The following SMAD2 variants were observed in gnomAD, a reference collection of about 807,000 sequenced individuals.
SMAD2 encodes the protein MAD homolog 2.
In SMAD2, 8 loss-of-function variants were observed where a neutral mutation model predicts 64.4. That is an observed-to-expected ratio of 0.12 (90% CI 0.07 to 0.22). SMAD2 has a LOEUF of 0.22. Ranked by LOEUF, SMAD2 falls within the 10% of genes least tolerant of loss-of-function variation. The pLI is 1.00. For synonymous variants in SMAD2, 203 were observed against 195.8 expected (o/e 1.04, Z -0.31); for missense variants, 289 against 561.2 (o/e 0.51, Z 4.90).
chr18:47,869,501 A>T, intron 3 of SMAD2, 65 bp from the exon 4 acceptor site: 2 of 1,081,426 alleles, frequency 1.8e-6, no homozygotes, highest in Non-Finnish European at 2.8e-6. Flanking sequence ...AAGTGCAGTC[A>T]AATGGGCTAA....
chr18:47,875,545 T>G (rs1248275300), intron 2 of SMAD2, among the ~76,000 whole-genome samples: 1 of 152,118 alleles, frequency 6.6e-6, no homozygotes, highest in African/African-American at 2.4e-5. Context: ...TAAAAAATAT[T>G]AAAAGAAACA....
chr18:47,903,767 T>C (rs2033783582), intron 1 of SMAD2, among the ~76,000 whole-genome samples: 1 of 150,358 alleles, frequency 6.7e-6, no homozygotes, highest in South Asian at 2.1e-4. Context: ...AACTATAGTA[T>C]TAGAAATTAA....
intron 1 of SMAD2, among the ~76,000 whole-genome samples, chr18:47,913,188 A>G (rs988692219): frequency 1.3e-5 from 2 of 152,186 alleles, no homozygotes; most frequent in African/African-American, 4.8e-5. Context: ...CCCAAAGCAC[A>G]GGGATTACAG....
Position 47,828,062 on chromosome 18 carries a change from G to A in SMAD2, c.*13765C>T, listed in dbSNP as rs1598725615. ...CGCCTCTGCCCCGCCGCCCCGTCTG[G>A]GATGTGAGGAGTGTCTCTGCCCGAC... On this transcript the variant is annotated 3_prime_UTR_variant, in exon 11 of 11. Coordinates refer to ENST00000262160, the MANE Select transcript of SMAD2 (RefSeq NM_005901.6). The A allele has an allele frequency of 5.9e-6, 1 of 170,300 alleles. No homozygotes were observed. The allele number at this position is 170,300 out of a possible 1,614,324, so 10.5% of individuals were successfully genotyped here. A position where few individuals can be genotyped will look rare whatever the true frequency, so the allele number is the denominator to read the frequency against.
intron 2 of SMAD2, among the ~76,000 whole-genome samples, chr18:47,894,396 C>G (rs1012765432): frequency 6.6e-6 from 1 of 152,196 alleles, no homozygotes; most frequent in African/African-American, 2.4e-5. Context: ...CAACCTCACC[C>G]GTCACCCTCA....
chr18:47,895,387 ATTCT>A (rs1376171617), intron 2 of SMAD2: 1 of 152,246 alleles, frequency 6.6e-6, no homozygotes, highest in Non-Finnish European at 1.5e-5. Context: ...TTAATTCTTC[ATTCT>A]ATCATATCAC....
chr18:47,841,932 A>G lies in SMAD2; in HGVS notation c.1299T>C (p.Ser433=), dbSNP rs79888759. The change falls in exon 11 of 11, where the codon AGT becomes AGC. Residue 433 remains serine, a synonymous_variant. Transcript: ENST00000262160. ...GATGAAGTTCAATCCAGCAAGGAGTACTTGTTACCGTCTGCCTTCTGTTTA... is the reference window on the plus strand; with the variant it reads ...GATGAAGTTCAATCCAGCAAGGAGTGCTTGTTACCGTCTGCCTTCTGTTTA... ...GAEYRRQTVT[S]TPCWIELHLN... The G allele has an allele frequency of 6.2e-7, 1 of 1,614,160 alleles. No homozygotes were observed. Among genetic ancestry groups the G allele is most frequent in the Non-Finnish European group, 8.5e-7 (1 of 1,179,990 alleles).
rs1353938625 is a variant in SMAD2 at position 47,813,924 on chromosome 18, G to A, written c.*27903C>T. ...AATTATGATGAATGCTCTCTTACCAGTATAAACAAATTACAAAGGGAGTGA... is the reference window on the plus strand; with the variant it reads ...AATTATGATGAATGCTCTCTTACCAATATAAACAAATTACAAAGGGAGTGA... On this transcript the variant is annotated 3_prime_UTR_variant, in exon 11 of 11. Coordinates refer to ENST00000262160, the MANE Select transcript of SMAD2 (RefSeq NM_005901.6). The A allele has an allele frequency of 2.0e-5, 3 of 151,958 alleles. No homozygotes were observed. Among genetic ancestry groups the A allele is most frequent in the African/African-American group, 7.3e-5 (3 of 41,342 alleles). The allele number at this position is 151,958 out of a possible 1,614,324, so 9.4% of individuals were successfully genotyped here. A position where few individuals can be genotyped will look rare whatever the true frequency, so the allele number is the denominator to read the frequency against.
At chr18:47,874,172 A>AT (rs1288301263) in intron 2 of SMAD2, among the ~76,000 whole-genome samples, 1 of 152,186 alleles carries the variant, frequency 6.6e-6, no homozygotes, top group Admixed American at 6.5e-5. Flanking sequence ...CAGCAAAAAT[A>AT]TTTTTGTAGC....
chr18:47,835,483 G>T lies in SMAD2; in HGVS notation c.*6344C>A. On this transcript the variant is annotated 3_prime_UTR_variant, in exon 11 of 11. Transcript: ENST00000262160. ...TCCAAGATTGGGAATAGTAAGAGTG[G>T]CAAACAAATGTTTTCTTAGGGACTT... The T allele has an allele frequency of 5.0e-6, 1 of 198,284 alleles. No individual in the cohort carries two copies. The highest frequency in any genetic ancestry group is 2.3e-5 in the African/African-American group (1 of 43,404). 12.3% of individuals were successfully genotyped at this position (198,284 alleles called of 1,614,324 possible).
intron 1 of SMAD2, among the ~76,000 whole-genome samples, chr18:47,909,845 C>T (rs1214060725): frequency 2.0e-5 from 3 of 152,118 alleles, no homozygotes; most frequent in Admixed American, 6.6e-5. Context: ...GATTCCAACA[C>T]CAAATATGTC....
intron 6 of SMAD2, among the ~76,000 whole-genome samples, chr18:47,858,008 G>T (rs966912816): frequency 1.6e-4 from 25 of 152,260 alleles, no homozygotes; most frequent in African/African-American, 5.5e-4. Flanking sequence ...AATCCTAAGG[G>T]CAGGGAAAGG....
intron 10 of SMAD2, 41 bp from the exon 11 acceptor site, chr18:47,841,991 T>C: frequency 6.2e-7 from 1 of 1,612,270 alleles, no homozygotes; most frequent in Non-Finnish European, 8.5e-7. Context: ...GAAATTCAAG[T>C]CCACAGGCAG....
At chr18:47,895,494 C>T (rs1306047006) in intron 2 of SMAD2, 4 of 152,206 alleles carry the variant, frequency 2.6e-5, no homozygotes, top group Non-Finnish European at 5.9e-5. Flanking sequence ...CTTAGGAAGG[C>T]AGGAGTTTTG....
chr18:47,826,772 T>C lies in SMAD2; in HGVS notation c.*15055A>G, dbSNP rs1407675089. 6.6e-6 allele frequency: 1 copy of C among 152,252 alleles called. No individual in the cohort carries two copies. The highest frequency in any genetic ancestry group is 1.5e-5 in the Non-Finnish European group (1 of 68,036). The allele number at this position is 152,252 out of a possible 1,614,324, so 9.4% of individuals were successfully genotyped here. ...AGTTTAACATCACATTTACAAACTT[T>C]CTTAGAGAAAGATTTGTTATTAGCA... is the stretch of plus-strand genomic sequence containing the variant. On this transcript the variant is annotated 3_prime_UTR_variant, in exon 11 of 11. Transcript: ENST00000262160.
Position 47,842,024 on chromosome 18 carries a change from C to T in SMAD2, c.1281-74G>A, listed in dbSNP as rs1293011749. 6 of 1,494,206 alleles carry T rather than the reference C, an allele frequency of 4.0e-6. No homozygotes were observed. In the East Asian group the frequency reaches 1.1e-4, roughly 28 times the overall value. The allele number at this position is 1,494,206 out of a possible 1,614,324, so 92.6% of individuals were successfully genotyped here. A position where few individuals can be genotyped will look rare whatever the true frequency, so the allele number is the denominator to read the frequency against. On this transcript the variant is annotated intron_variant, in intron 10 of 10. Transcript: ENST00000262160. ...CAGGGAAAATGGCTATGTTTAGGTA[C>T]ACTGCATTAAAAATTTACAGAAATT... is the stretch of plus-strand genomic sequence containing the variant.
chr18:47,839,025 C>CA lies in SMAD2; in HGVS notation c.*2801dup, dbSNP rs5824709. 3.9e-4 allele frequency: 88 copies of CA among 227,644 alleles called. No individual in the cohort carries two copies. The highest frequency in any genetic ancestry group is 1.6e-3 in the East Asian group (26 of 16,294). The allele number at this position is 227,644 out of a possible 1,614,324, so 14.1% of individuals were successfully genotyped here. On this transcript the variant is annotated 3_prime_UTR_variant, in exon 11 of 11. Transcript: ENST00000262160. ...TATAAATGGGGGGAGGGGCAGAAAA[C>CA]AAAAAAAAAATCAGGCCACAGTAGA...
In SMAD2 at chr18:47,833,713, C is replaced by G. The variant is rs186767230; in HGVS notation, c.*8114G>C. On this transcript the variant is annotated 3_prime_UTR_variant, in exon 11 of 11. Coordinates refer to ENST00000262160, the MANE Select transcript of SMAD2 (RefSeq NM_005901.6). ...TTCCTTCACTTGCCATTGGCTGATG[C>G]ATTTAATCATTTTAACACAACATTC... 1.4e-3 allele frequency: 332 copies of G among 230,732 alleles called. 8 individuals carry two copies. The Admixed American group carries it at 0.015, about 10-fold the overall frequency. 14.3% of individuals were successfully genotyped at this position (230,732 alleles called of 1,614,324 possible). A position where few individuals can be genotyped will look rare whatever the true frequency, so the allele number is the denominator to read the frequency against.
At chr18:47,862,068 G>A (rs771570814) in intron 6 of SMAD2, among the ~76,000 whole-genome samples, 2 of 152,176 alleles carry the variant, frequency 1.3e-5, no homozygotes, top group African/African-American at 4.8e-5. Flanking sequence ...TGTAAGTGGA[G>A]TGTATGGGAA....
Sources: gnomAD v4.1 joint callset for allele counts (sites outside exome capture counted in the v4.1 genomes callset) on GRCh38, gnomAD v4.1.1 for gene constraint, MANE v1.5 for transcripts, NCBI Gene and HGNC (gene_info 2026-07-23, HGNC 2026-07-21) for gene names.